DYRK1A: variants seen among roughly 807,000 people sequenced by gnomAD.
DYRK1A encodes the protein dual specificity tyrosine-phosphorylation-regulated kinase 1A.
In DYRK1A, 9 loss-of-function variants were observed where a neutral mutation model predicts 79.7. That is an observed-to-expected ratio of 0.11 (90% CI 0.07 to 0.20). DYRK1A has a LOEUF of 0.20. Ranked by LOEUF, DYRK1A falls within the 10% of genes least tolerant of loss-of-function variation. The pLI is 1.00. For synonymous variants in DYRK1A, 349 were observed against 329.7 expected, an observed-to-expected ratio of 1.06 and a Z score of -0.63; for missense variants, 622 against 956.0, an observed-to-expected ratio of 0.65 and a Z score of 4.61.
At position 37,493,017 on chromosome 21, in the gene DYRK1A, A is replaced by G. The variant is rs2148619384; in HGVS notation, c.925A>G (p.Ile309Val). The G allele has an allele frequency of 6.3e-7, 1 of 1,597,946 alleles. No homozygotes were observed. The highest frequency in any genetic ancestry group is 8.6e-7 in the Non-Finnish European group (1 of 1,167,422). The change falls in exon 8 of 12, where the codon ATA becomes GTA. Residue 309 changes from isoleucine (I) to valine (V), a missense_variant and splice_region_variant. By Grantham distance (29) the Ile-to-Val change is conservative (BLOSUM62 3). Coordinates refer to ENST00000647188, the MANE Select transcript of DYRK1A (RefSeq NM_001347721.2). ...AATACTATTTTGAAATATATTTCAG[A>G]TATACCAGTATATTCAGAGTCGCTT... ...FGSSCQLGQR[I>V]YQYIQSRFYR...
chr21:37,390,330 C>T (rs2049846468), intron 1 of DYRK1A, among the ~76,000 whole-genome samples: 1 of 152,174 alleles, frequency 6.6e-6, no homozygotes, highest in African/African-American at 2.4e-5. Context: ...TTATTTTCTA[C>T]ACCATTTAAA....
intron 6 of DYRK1A, chr21:37,488,279 A>G (rs1375359387): frequency 1.1e-6 from 1 of 931,474 alleles, no homozygotes; most frequent in Non-Finnish European, 1.3e-6. Flanking sequence ...AGAAACTGAG[A>G]TTCTGTTTGG....
chr21:37,383,959 A>AAT (rs2049710289), intron 1 of DYRK1A, among the ~76,000 whole-genome samples: 1 of 152,152 alleles, frequency 6.6e-6, no homozygotes, highest in African/African-American at 2.4e-5. Flanking sequence ...AAACATCTAG[A>AAT]AAACTGGACA....
chr21:37,394,902 A>G (rs1218150930), intron 1 of DYRK1A, among the ~76,000 whole-genome samples: 1 of 152,224 alleles, frequency 6.6e-6, no homozygotes, highest in East Asian at 1.9e-4. Flanking sequence ...AATCAGTGAC[A>G]TAAACCTCCT....
chr21:37,481,363 A>G (rs1375384662), intron 5 of DYRK1A: 1 of 152,098 alleles, frequency 6.6e-6, no homozygotes, highest in Non-Finnish European at 1.5e-5. Context: ...ACCAATACCA[A>G]GAGTTTTGGG....
chr21:37,430,325 C>T (rs181428452), intron 2 of DYRK1A: 1 of 979,580 alleles, frequency 1.0e-6, no homozygotes, highest in Non-Finnish European at 1.2e-6. Flanking sequence ...TGTATTAAGA[C>T]TCATGGAGAG....
At chr21:37,492,928 T>G in intron 7 of DYRK1A, 89 bp from the exon 8 acceptor site, 1 of 1,114,806 alleles carries the variant, frequency 9.0e-7, no homozygotes, top group South Asian at 1.9e-5. Context: ...AGCCAATTCT[T>G]TTCTGTTAAT....
At chr21:37,452,822 G>T (rs1180103440) in intron 2 of DYRK1A, among the ~76,000 whole-genome samples, 2 of 146,878 alleles carry the variant, frequency 1.4e-5, no homozygotes, top group African/African-American at 2.5e-5. Context: ...ACTCCAGGAG[G>T]CCTGAGATTT....
chr21:37,457,564 T>TA, intron 2 of DYRK1A, among the ~76,000 whole-genome samples: 1 of 152,358 alleles, frequency 6.6e-6, no homozygotes, highest in Admixed American at 6.5e-5. Context: ...AAAGCGTCTC[T>TA]GGTCAGATGA....
chr21:37,371,482 G>A (rs1293424227), intron 1 of DYRK1A, among the ~76,000 whole-genome samples: 3 of 152,176 alleles, frequency 2.0e-5, no homozygotes, highest in Admixed American at 2.0e-4. Flanking sequence ...AATACCCTAC[G>A]TTGAACACGT....
At chr21:37,400,919 C>T (rs952461194) in intron 1 of DYRK1A, among the ~76,000 whole-genome samples, 10 of 151,932 alleles carry the variant, frequency 6.6e-5, no homozygotes, top group Admixed American at 3.9e-4. Flanking sequence ...CTGAGGTGGG[C>T]GGATCACTTG....
rs114459110 is a variant in DYRK1A at position 37,407,310 on chromosome 21, G to A, written c.-76-12989G>A. 9.1e-3 allele frequency among the ~76,000 whole-genome samples: 1,382 copies of A among 152,248 alleles called. 19 individuals carry two copies. The highest frequency in any genetic ancestry group is 0.032 in the African/African-American group (1,326 of 41,550). The stretch of plus-strand genomic sequence containing the variant: ...TCAGTAATTTTGTGCACACAATAAA[G>A]TTTTGGCTGAGCTGTGGCTGTAACC... On this transcript the variant is annotated intron_variant, in intron 1 of 11. Coordinates refer to ENST00000647188, the MANE Select transcript of DYRK1A (RefSeq NM_001347721.2).
chr21:37,495,604 CT>C (rs921945788), intron 8 of DYRK1A, among the ~76,000 whole-genome samples: 2 of 152,040 alleles, frequency 1.3e-5, no homozygotes, highest in Non-Finnish European at 2.9e-5. Flanking sequence ...CGCACTTCAG[CT>C]TGGGTGACAG....
At chr21:37,498,748 C>G (rs1411141086) in intron 9 of DYRK1A, among the ~76,000 whole-genome samples, 1 of 152,116 alleles carries the variant, frequency 6.6e-6, no homozygotes, top group Non-Finnish European at 1.5e-5. Flanking sequence ...CAAGAAAACA[C>G]CAGTTCTCCA....
intron 1 of DYRK1A, among the ~76,000 whole-genome samples, chr21:37,401,497 T>TG (rs1231711372): frequency 1.5e-4 from 22 of 149,964 alleles, no homozygotes; most frequent in African/African-American, 5.0e-4. Flanking sequence ...TTTTTTTTTT[T>TG]GGGAGACAGA....
At chr21:37,401,068 C>T (rs187906510) in intron 1 of DYRK1A, among the ~76,000 whole-genome samples, 58 of 151,954 alleles carry the variant, frequency 3.8e-4, no homozygotes, top group African/African-American at 1.3e-3. Context: ...TGCTTGAAGC[C>T]GAGAGGTGGA....
At position 37,474,651 on chromosome 21, in the gene DYRK1A, T is replaced by C. The variant is rs546063845; in HGVS notation, c.207+1771T>C. Among the ~76,000 whole-genome samples the C allele has an allele frequency of 3.3e-5, 5 of 152,344 alleles. No individual in the cohort carries two copies. The South Asian group carries it at 1.0e-3, about 32-fold the overall frequency. On this transcript the variant is annotated intron_variant, in intron 3 of 11. Coordinates refer to ENST00000647188, the MANE Select transcript of DYRK1A (RefSeq NM_001347721.2). ...TGGGTGTCAAATTGGCACCTCCGAC[T>C]AGAACCCCCAACACATACAAAGTAC...
At position 37,409,566 on chromosome 21, in the gene DYRK1A, T is replaced by G. The variant is rs933186348; in HGVS notation, c.-76-10733T>G. Among the ~76,000 whole-genome samples, 3 of 152,178 alleles carry G rather than the reference T, an allele frequency of 2.0e-5. No homozygotes were observed. The South Asian group carries it at 6.2e-4, about 32-fold the overall frequency. On this transcript the variant is annotated intron_variant, in intron 1 of 11. Coordinates refer to ENST00000647188, the MANE Select transcript of DYRK1A (RefSeq NM_001347721.2). ...AGTGGTTACTCATTGTGGCCCCTAG[T>G]TACAGTTCATGAAAGGGATTTTTTA...
At chr21:37,434,575 G>T (rs1172374356) in intron 2 of DYRK1A, among the ~76,000 whole-genome samples, 2 of 152,180 alleles carry the variant, frequency 1.3e-5, no homozygotes, top group East Asian at 3.8e-4. Flanking sequence ...TTTTGCATAT[G>T]AATGTAATGT....
Sources: allele counts gnomAD v4.1 joint callset (sites outside exome capture counted in the v4.1 genomes callset), GRCh38; gene constraint gnomAD v4.1.1; transcripts MANE v1.5; gene names NCBI Gene and HGNC (gene_info 2026-07-23, HGNC 2026-07-21).